Variants in CTNNBL1 observed in about 807,000 individuals in gnomAD.
CTNNBL1 encodes beta-catenin-like protein 1.
In CTNNBL1, 31 loss-of-function variants were observed where a neutral mutation model predicts 72.7. The ratio of observed to expected loss-of-function variants is 0.43; its 90% confidence interval spans 0.32 to 0.58. The LOEUF (loss-of-function observed/expected upper bound fraction) is 0.58, where lower values mean the gene tolerates loss of function less well. CTNNBL1 is among the 20% of genes least tolerant of loss of function. The probability of loss-of-function intolerance (pLI) is 0.08; values close to 1 mark genes in which losing one functional copy is unlikely to be tolerated. For missense variants in CTNNBL1, 534 were observed against 725.1 expected, an observed-to-expected ratio of 0.74 and a Z score of 3.03; for synonymous variants, 240 against 267.3, an observed-to-expected ratio of 0.90 and a Z score of 1.00.
rs60211876 is a variant in CTNNBL1 at position 37,722,473 on chromosome 20, A to AAAATAAAT, written c.31-10362_31-10355dup. Among the ~76,000 whole-genome samples the AAAATAAAT allele has an allele frequency of 3.2e-3, 456 of 142,262 alleles. 2 individuals are homozygous for AAAATAAAT. The highest frequency in any genetic ancestry group is 7.1e-3 in the Middle Eastern group (2 of 282). 93.3% of individuals were successfully genotyped at this position (142,262 alleles called of 152,430 possible). A position where few individuals can be genotyped will look rare whatever the true frequency, so the allele number is the denominator to read the frequency against. ...AGGAAGACAGAGTGAGGCTCCGTCT[A>AAAATAAAT]AAATAAATAAATAAATAAATAAATA... is the stretch of plus-strand genomic sequence containing the variant. On this transcript the variant is annotated intron_variant, in intron 1 of 15. Coordinates refer to ENST00000361383, the MANE Select transcript of CTNNBL1 (RefSeq NM_030877.5).
In CTNNBL1 at chr20:37,704,209, G is replaced by A. The variant is rs6020346; in HGVS notation, c.30+10057G>A. ...CTCTCCTGGAGCTTGCAGTCTAATGGGGTATACCCCAGATTTGAAATCCAA... is the reference window on the plus strand; with the variant it reads ...CTCTCCTGGAGCTTGCAGTCTAATGAGGTATACCCCAGATTTGAAATCCAA... On this transcript the variant is annotated intron_variant, in intron 1 of 15. Coordinates refer to ENST00000361383, the MANE Select transcript of CTNNBL1 (RefSeq NM_030877.5). Among the ~76,000 whole-genome samples the A allele has an allele frequency of 4.7e-3, 722 of 152,288 alleles. 9 individuals are homozygous for A. Among genetic ancestry groups the A allele is most frequent in the East Asian group, 0.017 (89 of 5,186 alleles).
intron 13 of CTNNBL1, among the ~76,000 whole-genome samples, chr20:37,846,814 G>GT (rs1782503386): frequency 6.6e-6 from 1 of 152,010 alleles, no homozygotes; most frequent in African/African-American, 2.4e-5. Context: ...CTGCTATCAG[G>GT]TCTCAGTAAA....
chr20:37,816,167 G>C (rs2072056907), intron 11 of CTNNBL1, among the ~76,000 whole-genome samples: 1 of 152,174 alleles, frequency 6.6e-6, no homozygotes, highest in African/African-American at 2.4e-5. Context: ...CCAAACAAAG[G>C]ATCCCCAAAC....
intron 10 of CTNNBL1, among the ~76,000 whole-genome samples, chr20:37,793,471 T>C (rs1044449852): frequency 8.5e-5 from 13 of 152,356 alleles, no homozygotes; most frequent in South Asian, 6.2e-4. Context: ...TGCTAACGCA[T>C]GGTATCTTTT....
At chr20:37,791,336 A>G (rs2073723872) in intron 10 of CTNNBL1, among the ~76,000 whole-genome samples, 1 of 152,222 alleles carries the variant, frequency 6.6e-6, no homozygotes, top group Non-Finnish European at 1.5e-5. Context: ...TGTTTACAAA[A>G]TGGTTATAGC....
chr20:37,811,759 A>C (rs1256965626), intron 11 of CTNNBL1, among the ~76,000 whole-genome samples: 1 of 152,218 alleles, frequency 6.6e-6, no homozygotes, highest in East Asian at 1.9e-4. Context: ...TTCTCTTTCG[A>C]GGGAGTGGGG....
chr20:37,754,273 A>G (rs371197620), intron 4 of CTNNBL1, among the ~76,000 whole-genome samples: 2 of 123,354 alleles, frequency 1.6e-5, no homozygotes, highest in African/African-American at 6.0e-5. Context: ...TTATGTATTT[A>G]TTTATTTGCT....
At chr20:37,797,449 C>G (rs1449655087) in intron 10 of CTNNBL1, among the ~76,000 whole-genome samples, 2 of 151,040 alleles carry the variant, frequency 1.3e-5, no homozygotes. Flanking sequence ...CCTTCAAGGT[C>G]CTAGTCTTCT....
intron 11 of CTNNBL1, among the ~76,000 whole-genome samples, chr20:37,827,499 A>G (rs2072170179): frequency 6.6e-6 from 1 of 152,242 alleles, no homozygotes; most frequent in South Asian, 2.1e-4. Context: ...GTTCAAAGTT[A>G]CAGAGAAGAT....
At chr20:37,750,554 T>TA (rs1295382357) in intron 4 of CTNNBL1, 1 of 152,194 alleles carries the variant, frequency 6.6e-6, no homozygotes, top group African/African-American at 2.4e-5. Flanking sequence ...AAGGTATTGC[T>TA]AAAAAATCCA....
At chr20:37,700,338 G>T (rs1485786624) in intron 1 of CTNNBL1, among the ~76,000 whole-genome samples, 1 of 152,134 alleles carries the variant, frequency 6.6e-6, no homozygotes, top group Non-Finnish European at 1.5e-5. Context: ...GCAGTGTCAA[G>T]AAATGTTTAT....
intron 1 of CTNNBL1, among the ~76,000 whole-genome samples, chr20:37,729,573 TAAAC>T (rs2073112607): frequency 6.6e-6 from 1 of 152,158 alleles, no homozygotes; most frequent in African/African-American, 2.4e-5. Context: ...CCCTCGGAGA[TAAAC>T]AATCTAGAAA....
intron 11 of CTNNBL1, among the ~76,000 whole-genome samples, chr20:37,822,382 T>TA (rs1373083932): frequency 6.6e-6 from 1 of 152,188 alleles, no homozygotes; most frequent in Non-Finnish European, 1.5e-5. Flanking sequence ...ACCAAATATT[T>TA]ATGATGAAGC....
chr20:37,695,648 T>A (rs1472006532), intron 1 of CTNNBL1, among the ~76,000 whole-genome samples: 3 of 152,250 alleles, frequency 2.0e-5, no homozygotes, highest in Non-Finnish European at 2.9e-5. Context: ...GCCATGAGTC[T>A]GGACCCCTAG....
chr20:37,746,972 C>G (rs772158402), intron 4 of CTNNBL1, among the ~76,000 whole-genome samples: 12 of 152,254 alleles, frequency 7.9e-5, no homozygotes, highest in Non-Finnish European at 1.8e-4. Flanking sequence ...AGGCATCTTT[C>G]TGCTGACTGA....
intron 4 of CTNNBL1, among the ~76,000 whole-genome samples, chr20:37,747,340 A>G (rs1275308422): frequency 3.8e-5 from 5 of 132,860 alleles, no homozygotes; most frequent in Non-Finnish European, 7.8e-5. Context: ...ATGCCACTGT[A>G]TGCTACTCTG....
chr20:37,870,560 A>G (rs2072575367), intron 15 of CTNNBL1, among the ~76,000 whole-genome samples: 1 of 152,064 alleles, frequency 6.6e-6, no homozygotes, highest in South Asian at 2.1e-4. Context: ...CCACCCTCAG[A>G]AAACATCAAG....
chr20:37,722,751 T>G (rs1291184862), intron 1 of CTNNBL1, among the ~76,000 whole-genome samples: 1 of 152,200 alleles, frequency 6.6e-6, no homozygotes, highest in African/African-American at 2.4e-5. Context: ...GGCTCTTAAG[T>G]GATTTACCAC....
intron 4 of CTNNBL1, chr20:37,751,556 G>A (rs1174075895): frequency 2.0e-5 from 3 of 152,144 alleles, no homozygotes; most frequent in East Asian, 1.9e-4. Flanking sequence ...CGGAAAATAC[G>A]GAGGAGACAG....
Sources: gnomAD v4.1 joint callset for allele counts (sites outside exome capture counted in the v4.1 genomes callset) on GRCh38, gnomAD v4.1.1 for gene constraint, MANE v1.5 for transcripts, NCBI Gene and HGNC (gene_info 2026-07-23, HGNC 2026-07-21) for gene names.